ATXN1: variants seen among roughly 807,000 people sequenced by gnomAD.
ATXN1 encodes ataxin 1, also known as ataxin-1.
A neutral mutation model predicts 56.4 loss-of-function variants in ATXN1; 8 were observed. The observed-to-expected ratio is 0.14, with a 90% CI of 0.08 to 0.26. The LOEUF is 0.26. Among genes scored for constraint, ATXN1 ranks in the 10% least tolerant of loss-of-function variants. The pLI is 1.00. For missense variants in ATXN1, 987 were observed against 1,106.5 expected, an observed-to-expected ratio of 0.89 and a Z score of 1.53; for synonymous variants, 514 against 494.6, an observed-to-expected ratio of 1.04 and a Z score of -0.52.
rs552567393 is a variant in ATXN1 at position 16,461,904 on chromosome 6, T to C, written c.-161+24068A>G. Reference sequence around the variant, plus strand: ...CTCCCATGGCCTACTCTCTTGCCCATGGCCTTGTTGAGAATCCAAAATTCT... The same window carrying C: ...CTCCCATGGCCTACTCTCTTGCCCACGGCCTTGTTGAGAATCCAAAATTCT... On this transcript the variant is annotated intron_variant, in intron 6 of 7. Coordinates refer to ENST00000436367, the MANE Select transcript of ATXN1 (RefSeq NM_001128164.2). Among the ~76,000 whole-genome samples the C allele has an allele frequency of 7.1e-4, 108 of 152,316 alleles. 2 individuals are homozygous for C. The highest frequency in any genetic ancestry group is 1.2e-3 in the Non-Finnish European group (83 of 68,032).
chr6:16,682,748 T>C (rs556568140), intron 2 of ATXN1, among the ~76,000 whole-genome samples: 208 of 152,256 alleles, frequency 1.4e-3, no homozygotes, highest in African/African-American at 4.8e-3. Context: ...TAAGGGACCA[T>C]GAGGAAGAGA....
chr6:16,429,037 TGG>T (rs1319778118), intron 6 of ATXN1, among the ~76,000 whole-genome samples: 1 of 126,662 alleles, frequency 7.9e-6, no homozygotes, highest in Non-Finnish European at 1.7e-5. Context: ...AGTGGAGCAG[TGG>T]GGGCGGCGAG....
At chr6:16,471,710 T>TGTGTGA (rs1002633039) in intron 6 of ATXN1, among the ~76,000 whole-genome samples, 4 of 151,776 alleles carry the variant, frequency 2.6e-5, no homozygotes, top group East Asian at 1.9e-4. Flanking sequence ...TGTGTGTGTG[T>TGTGTGA]GAGACAGAAA....
At chr6:16,629,662 T>A (rs541437069) in intron 3 of ATXN1, among the ~76,000 whole-genome samples, 1 of 152,232 alleles carries the variant, frequency 6.6e-6, no homozygotes, top group South Asian at 2.1e-4. Context: ...ATGCCTGTAA[T>A]CCCTGCACTT....
chr6:16,566,770 C>T (rs1037000279), intron 4 of ATXN1, among the ~76,000 whole-genome samples: 6 of 151,990 alleles, frequency 3.9e-5, no homozygotes, highest in African/African-American at 7.2e-5. Flanking sequence ...GCAGGAGAAT[C>T]GCTTGAATCT....
chr6:16,478,661 G>C (rs1312976554), intron 6 of ATXN1, among the ~76,000 whole-genome samples: 2 of 152,158 alleles, frequency 1.3e-5, no homozygotes, highest in African/African-American at 4.8e-5. Flanking sequence ...GTAGCAACTC[G>C]TAGGAGCCCC....
intron 2 of ATXN1, among the ~76,000 whole-genome samples, chr6:16,733,648 G>A (rs931589784): frequency 1.3e-5 from 2 of 151,954 alleles, no homozygotes; most frequent in African/African-American, 2.4e-5. Context: ...GGGAGTTCAA[G>A]ACCAGCTTGA....
In ATXN1 at chr6:16,347,271, TCCA is replaced by T. The variant is rs1330244871; in HGVS notation, c.-160-18804_-160-18802del. Among the ~76,000 whole-genome samples the T allele has an allele frequency of 2.6e-5, 4 of 151,668 alleles. No individual in the cohort carries two copies. The South Asian group carries it at 6.3e-4, about 24-fold the overall frequency. On this transcript the variant is annotated intron_variant, in intron 6 of 7. Coordinates refer to ENST00000436367, the MANE Select transcript of ATXN1 (RefSeq NM_001128164.2). ...GCTCCACCTACTGCCTCTGTGAAGA[TCCA>T]CTAGGTGAAGCCAGCTGGGCTCCTG...
intron 2 of ATXN1, among the ~76,000 whole-genome samples, chr6:16,741,775 C>CAGA (rs1364957302): frequency 5.3e-5 from 8 of 152,216 alleles, no homozygotes; most frequent in Non-Finnish European, 1.0e-4. Flanking sequence ...TTGTTTATTA[C>CAGA]TCACATTCTG....
intron 6 of ATXN1, among the ~76,000 whole-genome samples, chr6:16,384,338 G>A (rs927812668): frequency 1.3e-5 from 2 of 152,214 alleles, no homozygotes; most frequent in Non-Finnish European, 2.9e-5. Context: ...AGACTGGTGT[G>A]ACCATGAGAT....
At chr6:16,628,086 A>G (rs1003384) in intron 3 of ATXN1, among the ~76,000 whole-genome samples, 59,250 of 152,092 alleles carry the variant, frequency 0.39, 15,019 homozygotes, top group African/African-American at 0.72. Context: ...CACAAATAAA[A>G]ATAAACAGAC....
At chr6:16,500,021 C>T (rs540217687) in intron 5 of ATXN1, among the ~76,000 whole-genome samples, 3 of 152,146 alleles carry the variant, frequency 2.0e-5, no homozygotes, top group Non-Finnish European at 4.4e-5. Context: ...TACTATGCAG[C>T]CAAGGTGGAG....
chr6:16,441,021 A>G (rs1186096230), intron 6 of ATXN1, among the ~76,000 whole-genome samples: 1 of 152,144 alleles, frequency 6.6e-6, no homozygotes, highest in African/African-American at 2.4e-5. Context: ...TCCTTACGGC[A>G]CGGTCAGCAG....
chr6:16,312,771 T>C (rs1304103497), intron 7 of ATXN1, among the ~76,000 whole-genome samples: 1 of 152,176 alleles, frequency 6.6e-6, no homozygotes, highest in Non-Finnish European at 1.5e-5. Context: ...GGTGCCCAAA[T>C]GTCTATGGTC....
intron 6 of ATXN1, among the ~76,000 whole-genome samples, chr6:16,334,286 A>G (rs1225754378): frequency 1.3e-5 from 2 of 152,218 alleles, no homozygotes; most frequent in Non-Finnish European, 2.9e-5. Flanking sequence ...CCTTGGTTTC[A>G]ACAGCTCAAT....
At chr6:16,474,835 TACACACAC>T (rs80085771) in intron 6 of ATXN1, among the ~76,000 whole-genome samples, 6 of 146,908 alleles carry the variant, frequency 4.1e-5, no homozygotes, top group Non-Finnish European at 6.0e-5. Context: ...TGTGTGTGCA[TACACACAC>T]ACACACACAC....
chr6:16,532,987 T>C (rs953104021), intron 4 of ATXN1, among the ~76,000 whole-genome samples: 3 of 152,308 alleles, frequency 2.0e-5, no homozygotes, highest in African/African-American at 4.8e-5. Flanking sequence ...AACCTAAGTG[T>C]CCATCAATGG....
At chr6:16,711,131 T>C (rs180706997) in intron 2 of ATXN1, among the ~76,000 whole-genome samples, 6 of 152,266 alleles carry the variant, frequency 3.9e-5, no homozygotes, top group Admixed American at 1.3e-4. Context: ...TTAAAACACA[T>C]ATAAAACCAA....
At chr6:16,731,444 T>TTTTC (rs1561826898) in intron 2 of ATXN1, among the ~76,000 whole-genome samples, 2 of 139,164 alleles carry the variant, frequency 1.4e-5, no homozygotes, top group Non-Finnish European at 3.1e-5. Flanking sequence ...AGAGGCTTTT[T>TTTTC]TTTTCTTTTC....
Sources: gnomAD v4.1 joint callset for allele counts (sites outside exome capture counted in the v4.1 genomes callset) on GRCh38, gnomAD v4.1.1 for gene constraint, MANE v1.5 for transcripts, NCBI Gene and HGNC (gene_info 2026-07-23, HGNC 2026-07-21) for gene names.